The following CLVS1 variants were observed in gnomAD, a reference collection of about 807,000 sequenced individuals.
CLVS1 encodes the protein clavesin-1.
CLVS1 carries 10 observed loss-of-function variants against 33.1 expected under a neutral mutation model. The observed-to-expected ratio is 0.30, with a 90% confidence interval of 0.19 to 0.51. The LOEUF (loss-of-function observed/expected upper bound fraction) is 0.51, where lower values mean the gene tolerates loss of function less well. Ranked by LOEUF, CLVS1 falls within the 20% of genes least tolerant of loss-of-function variation. CLVS1 has a pLI of 0.97. For missense variants in CLVS1, 343 were observed against 433.4 expected, an observed-to-expected ratio of 0.79 and a Z score of 1.85; for synonymous variants, 163 against 166.1, an observed-to-expected ratio of 0.98 and a Z score of 0.14.
chr8:61,366,472 T>C (rs1215328303), intron 2 of CLVS1, among the ~76,000 whole-genome samples: 3 of 152,220 alleles, frequency 2.0e-5, no homozygotes, highest in Non-Finnish European at 4.4e-5. Flanking sequence ...CCCAAGGTGC[T>C]CAGTAATACA....
chr8:61,472,933 C>G (rs13438822), intron 5 of CLVS1, among the ~76,000 whole-genome samples: 18,917 of 152,018 alleles, frequency 0.12, 3,129 homozygotes, highest in African/African-American at 0.38. Flanking sequence ...GACACTGCCC[C>G]TGCAGTGTCT....
the CLVS1 span, among the ~76,000 whole-genome samples, chr8:60,967,284 A>G: frequency 1.3e-5 from 2 of 152,352 alleles, no homozygotes; most frequent in South Asian, 4.1e-4. Context: ...TTAAAATAGC[A>G]TATAATGAAT....
At chr8:61,140,294 T>C (rs1443998748) in intron 2 of CLVS1, among the ~76,000 whole-genome samples, 1 of 152,206 alleles carries the variant, frequency 6.6e-6, no homozygotes, top group Non-Finnish European at 1.5e-5. Flanking sequence ...ATGGTTACCC[T>C]CAAAGCCCCA....
chr8:61,450,294 T>G (rs1310562883), intron 3 of CLVS1, among the ~76,000 whole-genome samples: 1 of 152,168 alleles, frequency 6.6e-6, no homozygotes, highest in African/African-American at 2.4e-5. Context: ...TTGAATCAAA[T>G]AATAAGTTTT....
At chr8:61,344,022 A>G (rs1255333399) in intron 2 of CLVS1, among the ~76,000 whole-genome samples, 3 of 152,160 alleles carry the variant, frequency 2.0e-5, no homozygotes, top group African/African-American at 2.4e-5. Flanking sequence ...TCCTATGCCA[A>G]AGGACCAATA....
At chr8:60,966,372 A>G in the CLVS1 span, 1 of 455,912 alleles carries the variant, frequency 2.2e-6, no homozygotes, top group South Asian at 1.5e-5. Context: ...TCACCCCAGG[A>G]CTTATCTTCT....
chr8:61,337,776 G>A (rs1407525922), intron 2 of CLVS1, among the ~76,000 whole-genome samples: 1 of 152,164 alleles, frequency 6.6e-6, no homozygotes, highest in Non-Finnish European at 1.5e-5. Flanking sequence ...AACAGCTAAG[G>A]GAGTGTGGCA....
intron 2 of CLVS1, among the ~76,000 whole-genome samples, chr8:61,195,956 T>C (rs1056952692): frequency 4.6e-5 from 7 of 152,190 alleles, no homozygotes; most frequent in Non-Finnish European, 8.8e-5. Context: ...CAGAGTTGTT[T>C]TGTGTCTTTG....
the CLVS1 span, among the ~76,000 whole-genome samples, chr8:60,977,631 A>G: frequency 6.6e-6 from 1 of 152,228 alleles, no homozygotes; most frequent in African/African-American, 2.4e-5. Context: ...CAGTCTAAGG[A>G]GCAGAAAGAA....
At chr8:61,001,119 G>A in the CLVS1 span, among the ~76,000 whole-genome samples, 1 of 152,098 alleles carries the variant, frequency 6.6e-6, no homozygotes, top group African/African-American at 2.4e-5. Flanking sequence ...ACTCCCCTGT[G>A]GCGCCTTTTG....
chr8:61,028,461 A>G, the CLVS1 span, among the ~76,000 whole-genome samples: 1 of 152,238 alleles, frequency 6.6e-6, no homozygotes, highest in Non-Finnish European at 1.5e-5. Context: ...AATACCCAAT[A>G]AATTAGCCAC....
chr8:61,316,770 G>A (rs1049856552), intron 2 of CLVS1, among the ~76,000 whole-genome samples: 2 of 152,190 alleles, frequency 1.3e-5, no homozygotes, highest in Non-Finnish European at 2.9e-5. Flanking sequence ...TGTGATGAGA[G>A]CTCAGGTGCC....
At chr8:60,993,196 GC>G in the CLVS1 span, among the ~76,000 whole-genome samples, 1 of 152,228 alleles carries the variant, frequency 6.6e-6, no homozygotes, top group African/African-American at 2.4e-5. Flanking sequence ...GGGAGGGGCT[GC>G]CCCCAGCCCA....
At chr8:61,347,322 T>A (rs1426092089) in intron 2 of CLVS1, among the ~76,000 whole-genome samples, 1 of 151,992 alleles carries the variant, frequency 6.6e-6, no homozygotes, top group African/African-American at 2.4e-5. Context: ...CCTGCAGAGA[T>A]GAAGATGACT....
At chr8:61,353,052 T>C (rs538385768) in intron 2 of CLVS1, among the ~76,000 whole-genome samples, 6 of 152,090 alleles carry the variant, frequency 3.9e-5, no homozygotes, top group African/African-American at 1.2e-4. Context: ...ACATAAAAAG[T>C]CTCACAATAC....
intron 2 of CLVS1, among the ~76,000 whole-genome samples, chr8:61,252,511 G>T (rs1274331265): frequency 6.6e-6 from 1 of 152,186 alleles, no homozygotes; most frequent in African/African-American, 2.4e-5. Context: ...AATATTGACA[G>T]TGGGGTGTTA....
intron 1 of CLVS1, among the ~76,000 whole-genome samples, chr8:61,105,014 G>C (rs1805509548): frequency 6.6e-6 from 1 of 151,984 alleles, no homozygotes; most frequent in Non-Finnish European, 1.5e-5. Context: ...ATTTTTAGTA[G>C]AGACAGGGTT....
chr8:61,332,872 T>C (rs926250335), intron 2 of CLVS1, among the ~76,000 whole-genome samples: 1 of 152,190 alleles, frequency 6.6e-6, no homozygotes, highest in African/African-American at 2.4e-5. Context: ...TGACCTCAGG[T>C]AATCCACTCG....
chr8:61,308,041 C>T (rs747962686), intron 2 of CLVS1, among the ~76,000 whole-genome samples: 13 of 152,222 alleles, frequency 8.5e-5, no homozygotes, highest in Non-Finnish European at 1.8e-4. Flanking sequence ...CAGAGCAGCA[C>T]TGCTCAGACC....
Sources: gnomAD v4.1 joint callset for allele counts (sites outside exome capture counted in the v4.1 genomes callset) on GRCh38, gnomAD v4.1.1 for gene constraint, MANE v1.5 for transcripts, NCBI Gene and HGNC (gene_info 2026-07-23, HGNC 2026-07-21) for gene names.